ZFHX3: variants seen among roughly 807,000 people sequenced by gnomAD.
The protein encoded by ZFHX3 is zinc finger homeobox protein 3.
In ZFHX3, 42 loss-of-function variants were observed where a neutral mutation model predicts 279.1. The ratio of observed to expected loss-of-function variants is 0.15; its 90% confidence interval spans 0.12 to 0.19. The LOEUF (loss-of-function observed/expected upper bound fraction) is 0.19. Among genes scored for constraint, ZFHX3 ranks in the 10% least tolerant of loss-of-function variants. The pLI is 1.00. For missense variants in ZFHX3, 4,981 were observed against 4,754.0 expected (o/e 1.05, Z -1.40); for synonymous variants, 2,293 against 1,957.8 (o/e 1.17, Z -4.52).
At chr16:72,961,286 C>T (rs1961565839) in intron 1 of ZFHX3, among the ~76,000 whole-genome samples, 1 of 152,220 alleles carries the variant, frequency 6.6e-6, no homozygotes, top group African/African-American at 2.4e-5. Context: ...GTCGTTCAGC[C>T]CTGGGGCTTT....
chr16:73,671,356 G>A (rs2052902185), intron 2 of ZFHX3, among the ~76,000 whole-genome samples: 1 of 152,172 alleles, frequency 6.6e-6, no homozygotes, highest in Non-Finnish European at 1.5e-5. Flanking sequence ...AGTGGCCTTC[G>A]AGAATCCAGA....
chr16:72,923,259 C>T (rs765247612), intron 3 of ZFHX3, among the ~76,000 whole-genome samples: 1 of 152,052 alleles, frequency 6.6e-6, no homozygotes, highest in Non-Finnish European at 1.5e-5. Context: ...GCCTGGGCAA[C>T]ATGGCGAAAG....
At chr16:73,508,022 C>T (rs1362385047) in intron 2 of ZFHX3, among the ~76,000 whole-genome samples, 2 of 152,144 alleles carry the variant, frequency 1.3e-5, no homozygotes, top group Non-Finnish European at 1.5e-5. Context: ...AAGATTGATA[C>T]ACGGTATTGA....
intron 2 of ZFHX3, among the ~76,000 whole-genome samples, chr16:73,473,241 G>A (rs1237766769): frequency 6.6e-6 from 1 of 151,036 alleles, no homozygotes; most frequent in Admixed American, 6.6e-5. Flanking sequence ...GGATGCTGAG[G>A]TGGGAGGGTC....
At chr16:73,730,174 A>C (rs574263250) in intron 1 of ZFHX3, among the ~76,000 whole-genome samples, 2 of 152,224 alleles carry the variant, frequency 1.3e-5, no homozygotes, top group East Asian at 1.9e-4. Flanking sequence ...GTGTTGAAAA[A>C]TTTGATGGAA....
At chr16:73,522,435 T>C (rs2019623250) in intron 2 of ZFHX3, among the ~76,000 whole-genome samples, 1 of 152,198 alleles carries the variant, frequency 6.6e-6, no homozygotes, top group Admixed American at 6.5e-5. Context: ...GGGGAGTTCC[T>C]AGGCATTTTG....
chr16:73,880,463 G>A (rs986563259), intron 1 of ZFHX3, among the ~76,000 whole-genome samples: 19 of 152,170 alleles, frequency 1.2e-4, no homozygotes, highest in African/African-American at 3.9e-4. Context: ...CAACTTCAAT[G>A]TGGAGCTTTT....
At chr16:73,031,551 T>C (rs924803663) in intron 1 of ZFHX3, among the ~76,000 whole-genome samples, 4 of 152,230 alleles carry the variant, frequency 2.6e-5, no homozygotes, top group African/African-American at 9.6e-5. Context: ...AATTGCTGTT[T>C]TGCATTTCGT....
chr16:73,301,987 G>A (rs552439929), intron 4 of ZFHX3, among the ~76,000 whole-genome samples: 12 of 151,980 alleles, frequency 7.9e-5, no homozygotes, highest in Admixed American at 5.2e-4. Context: ...ACGCAGGTGC[G>A]CCCCAACCTG....
intron 2 of ZFHX3, among the ~76,000 whole-genome samples, chr16:73,490,228 T>C (rs2019036731): frequency 6.6e-6 from 1 of 152,236 alleles, no homozygotes; most frequent in African/African-American, 2.4e-5. Flanking sequence ...AGCTGCTTCA[T>C]CTACTGAGAC....
At chr16:73,741,916 A>C (rs1171800280) in intron 1 of ZFHX3, among the ~76,000 whole-genome samples, 1 of 152,230 alleles carries the variant, frequency 6.6e-6, no homozygotes, top group Non-Finnish European at 1.5e-5. Context: ...TCTTTCTAGC[A>C]ACAAAGCCAA....
At chr16:73,221,513 C>T (rs1009039850) in intron 5 of ZFHX3, among the ~76,000 whole-genome samples, 1 of 151,950 alleles carries the variant, frequency 6.6e-6, no homozygotes, top group Non-Finnish European at 1.5e-5. Context: ...ACAGTGTACA[C>T]AGCTCAGGTA....
At chr16:73,422,151 G>T (rs544632171) in intron 3 of ZFHX3, among the ~76,000 whole-genome samples, 1 of 151,804 alleles carries the variant, frequency 6.6e-6, no homozygotes, top group East Asian at 1.9e-4. Context: ...CATTTAAGAA[G>T]CCCAAGAAGA....
chr16:73,804,537 C>T (rs920729788), intron 1 of ZFHX3, among the ~76,000 whole-genome samples: 2 of 152,166 alleles, frequency 1.3e-5, no homozygotes, highest in African/African-American at 4.8e-5. Context: ...GCTTTATCCG[C>T]ACCTTTCTTT....
In ZFHX3 at chr16:73,588,706, AC is replaced by A. The variant is rs376850886; in HGVS notation, c.-1547+91473del. On this transcript the variant is annotated intron_variant, in intron 2 of 17. Coordinates refer to the ZFHX3 transcript ENST00000641206. ...CTCGGTCTCAAAAACAAAAAACAAAACAAAAAAAAAAAAAACAAGAAAACAA... is the reference window on the plus strand; with the variant it reads ...CTCGGTCTCAAAAACAAAAAACAAAAAAAAAAAAAAAAAACAAGAAAACAA... Among the ~76,000 whole-genome samples, 857 of 141,620 alleles carry A rather than the reference AC, an allele frequency of 6.1e-3. 5 individuals are homozygous for A. Among genetic ancestry groups the A allele is most frequent in the Middle Eastern group, 0.014 (4 of 280 alleles). 92.9% of individuals were successfully genotyped at this position (141,620 alleles called of 152,430 possible).
At chr16:73,050,820 C>A (rs963762130), upstream of ZFHX3, among the ~76,000 whole-genome samples, 2 of 152,146 alleles carry the variant, frequency 1.3e-5, no homozygotes, top group Non-Finnish European at 2.9e-5. Context: ...TACCCAGTCT[C>A]GTCTCATCTG....
chr16:73,579,061 A>G (rs558887783), intron 2 of ZFHX3, among the ~76,000 whole-genome samples: 1 of 152,322 alleles, frequency 6.6e-6, no homozygotes, highest in Non-Finnish European at 1.5e-5. Context: ...TTTACAATCT[A>G]TTCTCTCTGA....
At chr16:73,407,054 T>C (rs1198683398) in intron 3 of ZFHX3, among the ~76,000 whole-genome samples, 1 of 151,908 alleles carries the variant, frequency 6.6e-6, no homozygotes, top group East Asian at 1.9e-4. Context: ...GATTTTTTCC[T>C]GCAGGGCGTA....
At chr16:73,158,133 C>T (rs1001831618) in intron 5 of ZFHX3, among the ~76,000 whole-genome samples, 4 of 152,172 alleles carry the variant, frequency 2.6e-5, no homozygotes, top group African/African-American at 9.7e-5. Context: ...GAATGGGACA[C>T]TGCAGGTCTG....
Sources: gnomAD v4.1 joint callset for allele counts (sites outside exome capture counted in the v4.1 genomes callset) on GRCh38, gnomAD v4.1.1 for gene constraint, MANE v1.5 for transcripts, NCBI Gene and HGNC (gene_info 2026-07-23, HGNC 2026-07-21) for gene names.